Variants in CSMD3 observed in about 807,000 individuals in gnomAD.
CSMD3 encodes CUB and Sushi multiple domains 3.
In CSMD3, 177 loss-of-function variants were observed where a neutral mutation model predicts 435.2. That is an observed-to-expected ratio of 0.41 (90% confidence interval 0.36 to 0.46). The LOEUF is 0.46. CSMD3 is among the 20% of genes least tolerant of loss of function. The probability of loss-of-function intolerance (pLI) is 0.34; values close to 1 mark genes in which losing one functional copy is unlikely to be tolerated. For missense variants in CSMD3, 4,265 were observed against 4,504.6 expected, an observed-to-expected ratio of 0.95 and a Z score of 1.52; for synonymous variants, 1,656 against 1,520.5, an observed-to-expected ratio of 1.09 and a Z score of -2.07.
intron 16 of CSMD3, among the ~76,000 whole-genome samples, chr8:112,671,720 ATT>A (rs1264934176): frequency 6.6e-6 from 1 of 152,106 alleles, no homozygotes; most frequent in Non-Finnish European, 1.5e-5. Context: ...AAATTGTTAA[ATT>A]CCTAGTTAAG....
chr8:113,376,764 A>G (rs1294866511), intron 1 of CSMD3: 2 of 1,613,998 alleles, frequency 1.2e-6, no homozygotes, highest in South Asian at 1.1e-5. Context: ...GTCAAGCTGT[A>G]CAGGTTTCCA....
chr8:113,307,837 G>A (rs1364246384), intron 2 of CSMD3, among the ~76,000 whole-genome samples: 1 of 152,114 alleles, frequency 6.6e-6, no homozygotes, highest in East Asian at 1.9e-4. Flanking sequence ...GTCAACAAAG[G>A]TGTGGAGCAT....
chr8:112,356,784 C>T (rs1826657880), intron 38 of CSMD3, among the ~76,000 whole-genome samples: 1 of 152,106 alleles, frequency 6.6e-6, no homozygotes, highest in Non-Finnish European at 1.5e-5. Flanking sequence ...CTCTCTTTGA[C>T]TGCTGTCACC....
chr8:112,710,304 G>C (rs561539139), intron 13 of CSMD3, among the ~76,000 whole-genome samples: 1 of 152,266 alleles, frequency 6.6e-6, no homozygotes, highest in South Asian at 2.1e-4. Context: ...GTGAGAACAT[G>C]TGTCTAATGA....
intron 5 of CSMD3, among the ~76,000 whole-genome samples, chr8:113,088,356 C>A (rs2089878386): frequency 1.3e-5 from 2 of 150,700 alleles, no homozygotes; most frequent in Admixed American, 6.6e-5. Context: ...CATCCCATTA[C>A]TGGGTATATA....
At chr8:112,644,545 G>C (rs532128650) in intron 20 of CSMD3, among the ~76,000 whole-genome samples, 126 of 151,966 alleles carry the variant, frequency 8.3e-4, no homozygotes, top group African/African-American at 3.0e-3. Flanking sequence ...TTTGTAAAAG[G>C]ACATTTATTA....
chr8:112,386,541 A>G (rs1011520336), intron 36 of CSMD3, among the ~76,000 whole-genome samples: 4 of 152,026 alleles, frequency 2.6e-5, no homozygotes, highest in African/African-American at 9.7e-5. Flanking sequence ...TCTGTCGCCC[A>G]GGATGGAGTG....
At chr8:113,165,447 A>C (rs1466018585) in intron 4 of CSMD3, among the ~76,000 whole-genome samples, 1 of 152,166 alleles carries the variant, frequency 6.6e-6, no homozygotes, top group Non-Finnish European at 1.5e-5. Context: ...CAAGTAAACA[A>C]AAAACTCCAA....
Position 112,800,145 on chromosome 8 carries a change from T to G in CSMD3, c.1972+17A>C. 2.0e-6 allele frequency: 3 copies of G among 1,478,896 alleles called. No homozygotes were observed. The South Asian group carries it at 3.4e-5, about 17-fold the overall frequency. 91.6% of individuals were successfully genotyped at this position (1,478,896 alleles called of 1,614,324 possible). On this transcript the variant is annotated intron_variant, in intron 13 of 70. Transcript: ENST00000297405. ...TGGTATTAAGATAACATTTCCTATGTAGAAATTAATCATTACCTTTGTAGT... is the reference window on the plus strand; with the variant it reads ...TGGTATTAAGATAACATTTCCTATGGAGAAATTAATCATTACCTTTGTAGT...
intron 32 of CSMD3, among the ~76,000 whole-genome samples, chr8:112,470,940 A>C (rs577928085): frequency 7.9e-5 from 12 of 152,274 alleles, no homozygotes; most frequent in Admixed American, 3.3e-4. Context: ...TTAAAAACCA[A>C]CTATTATTGG....
chr8:112,889,234 A>T (rs1223196184), intron 10 of CSMD3, among the ~76,000 whole-genome samples: 2 of 151,634 alleles, frequency 1.3e-5, no homozygotes, highest in African/African-American at 4.8e-5. Context: ...CCCAAATAAT[A>T]GATTTAGAGA....
intron 10 of CSMD3, among the ~76,000 whole-genome samples, chr8:112,885,432 C>T (rs2081563385): frequency 6.6e-6 from 1 of 151,116 alleles, no homozygotes; most frequent in South Asian, 2.1e-4. Flanking sequence ...TGAACTAATG[C>T]CAATCACAAA....
At position 112,866,770 on chromosome 8, in the gene CSMD3, A is replaced by G. The variant is rs866578969; in HGVS notation, c.1634-7504T>C. On this transcript the variant is annotated intron_variant, in intron 10 of 70. Transcript: ENST00000297405. ...CTTGGTATTGACAACAGCATAAACT[A>G]TAATTCTTCTGCTGCACATGATGTG... Among the ~76,000 whole-genome samples, 5 of 152,316 alleles carry G rather than the reference A, an allele frequency of 3.3e-5. No individual in the cohort carries two copies. In the South Asian group the frequency reaches 8.3e-4, roughly 25 times the overall value.
chr8:113,161,374 A>G (rs145196599), intron 4 of CSMD3, among the ~76,000 whole-genome samples: 332 of 152,286 alleles, frequency 2.2e-3, no homozygotes, highest in African/African-American at 7.6e-3. Context: ...AATCTCTACT[A>G]GCTTTAGTCT....
At chr8:112,376,532 A>G (rs1828957159) in intron 38 of CSMD3, among the ~76,000 whole-genome samples, 1 of 152,050 alleles carries the variant, frequency 6.6e-6, no homozygotes, top group Non-Finnish European at 1.5e-5. Flanking sequence ...GTCATTCAAA[A>G]CTTCCAGTTT....
At chr8:112,235,197 T>C (rs1235331911) in intron 67 of CSMD3, among the ~76,000 whole-genome samples, 2 of 151,984 alleles carry the variant, frequency 1.3e-5, no homozygotes, top group African/African-American at 4.8e-5. Flanking sequence ...CTAAGCAACA[T>C]GGCAAAACCC....
chr8:112,827,519 A>T (rs943670382), intron 12 of CSMD3, among the ~76,000 whole-genome samples: 1 of 152,110 alleles, frequency 6.6e-6, no homozygotes, highest in Non-Finnish European at 1.5e-5. Context: ...ATCTCATCAA[A>T]TACATGTTTT....
chr8:112,510,216 AT>A (rs1156709923), intron 28 of CSMD3, among the ~76,000 whole-genome samples: 1 of 152,232 alleles, frequency 6.6e-6, no homozygotes, highest in South Asian at 2.1e-4. Context: ...ATTATTCCCC[AT>A]TTTTTTCCTC....
At chr8:113,284,066 T>G (rs1390328181) in intron 2 of CSMD3, among the ~76,000 whole-genome samples, 2 of 152,006 alleles carry the variant, frequency 1.3e-5, no homozygotes, top group Non-Finnish European at 2.9e-5. Flanking sequence ...AATGACACAA[T>G]GAACTTTGGG....
Sources: gnomAD v4.1 joint callset for allele counts (sites outside exome capture counted in the v4.1 genomes callset) on GRCh38, gnomAD v4.1.1 for gene constraint, MANE v1.5 for transcripts, NCBI Gene and HGNC (gene_info 2026-07-23, HGNC 2026-07-21) for gene names.